WDR7: variants seen among roughly 807,000 people sequenced by gnomAD.
WDR7 encodes the protein WD repeat-containing protein 7.
Under a neutral mutation model 169.4 loss-of-function variants are expected in WDR7, and 46 were observed. That is an observed-to-expected ratio of 0.27 (90% CI 0.21 to 0.35). The LOEUF is 0.35. Ranked by LOEUF, WDR7 falls within the 10% of genes least tolerant of loss-of-function variation. The pLI is 1.00. For missense variants in WDR7, 1,534 were observed against 1,859.3 expected, an observed-to-expected ratio of 0.83 and a Z score of 3.22; for synonymous variants, 612 against 666.8, an observed-to-expected ratio of 0.92 and a Z score of 1.27.
chr18:56,907,856 A>G (rs2046500665), intron 21 of WDR7, among the ~76,000 whole-genome samples: 1 of 152,106 alleles, frequency 6.6e-6, no homozygotes, highest in Non-Finnish European at 1.5e-5. Flanking sequence ...CCCACCTCGT[A>G]ATACCATCAC....
chr18:56,742,463 C>T (rs1415070435), intron 14 of WDR7, among the ~76,000 whole-genome samples: 1 of 152,076 alleles, frequency 6.6e-6, no homozygotes, highest in East Asian at 1.9e-4. Context: ...AAAATCTGCT[C>T]TTTATGAGAT....
In WDR7 at chr18:56,963,825, G is replaced by A. The variant is rs534877594; in HGVS notation, c.4164+1296G>A. On this transcript the variant is annotated intron_variant, in intron 26 of 27. Coordinates refer to ENST00000254442, the MANE Select transcript of WDR7 (RefSeq NM_015285.3). The stretch of plus-strand genomic sequence containing the variant: ...TAAGATCCTTTCATAAGAGAGACAG[G>A]TTCTTCAGATAGCATTTTCAGATTC... Among the ~76,000 whole-genome samples, 60 of 151,744 alleles carry A rather than the reference G, an allele frequency of 4.0e-4. 1 individual carries two copies. The highest frequency in any genetic ancestry group is 2.4e-3 in the Admixed American group (37 of 15,220).
intron 20 of WDR7, among the ~76,000 whole-genome samples, chr18:56,867,431 A>G (rs1388773873): frequency 2.0e-5 from 3 of 152,158 alleles, no homozygotes; most frequent in Non-Finnish European, 4.4e-5. Flanking sequence ...TATATTTTCC[A>G]GGTTTTTACA....
chr18:56,692,304 A>C (rs1167789672), intron 9 of WDR7, among the ~76,000 whole-genome samples: 3 of 152,208 alleles, frequency 2.0e-5, no homozygotes, highest in African/African-American at 7.2e-5. Flanking sequence ...CTATAAAAAT[A>C]AAAGTTTATT....
intron 7 of WDR7, among the ~76,000 whole-genome samples, chr18:56,687,560 A>G (rs1462300701): frequency 6.6e-6 from 1 of 152,250 alleles, no homozygotes; most frequent in Non-Finnish European, 1.5e-5. Context: ...ATTCTGAATA[A>G]CAAATCATTC....
At chr18:56,867,010 C>CTTATTTATTTAT (rs200285872) in intron 20 of WDR7, among the ~76,000 whole-genome samples, 17 of 148,468 alleles carry the variant, frequency 1.1e-4, no homozygotes, top group African/African-American at 4.4e-4. Flanking sequence ...TATTTACTTA[C>CTTATTTATTTAT]TTATTTATTT....
At position 56,827,492 on chromosome 18, in the gene WDR7, C is replaced by G. The variant is rs142758878; in HGVS notation, c.3304+11348C>G. ...GTTCTCATTTATGGGATCTAAAAATCAAAGCAATTGAACTCATGGACCTAT... is the reference window on the plus strand; with the variant it reads ...GTTCTCATTTATGGGATCTAAAAATGAAAGCAATTGAACTCATGGACCTAT... On this transcript the variant is annotated intron_variant, in intron 20 of 27. Coordinates refer to ENST00000254442, the MANE Select transcript of WDR7 (RefSeq NM_015285.3). 8.2e-4 allele frequency among the ~76,000 whole-genome samples: 124 copies of G among 151,698 alleles called. No homozygotes were observed. In the East Asian group the frequency reaches 0.022, roughly 27 times the overall value.
At chr18:56,923,469 A>T (rs73958706) in intron 21 of WDR7, among the ~76,000 whole-genome samples, 6,401 of 152,348 alleles carry the variant, frequency 0.042, 179 homozygotes, top group Middle Eastern at 0.075. Flanking sequence ...CATGTTCTAC[A>T]TTCTCCATCC....
At chr18:56,709,469 A>T (rs2026035840) in intron 12 of WDR7, among the ~76,000 whole-genome samples, 1 of 152,192 alleles carries the variant, frequency 6.6e-6, no homozygotes, top group African/African-American at 2.4e-5. Flanking sequence ...CATCTTTTGT[A>T]TTCATGACAT....
intron 27 of WDR7, among the ~76,000 whole-genome samples, chr18:57,024,900 A>G (rs12964745): frequency 0.093 from 745 of 8,048 alleles, 79 homozygotes; most frequent in Middle Eastern, 0.19. Flanking sequence ...GGATATGTGA[A>G]CTATGATAGT....
chr18:56,799,434 A>G (rs191885412), intron 19 of WDR7, among the ~76,000 whole-genome samples: 3 of 151,408 alleles, frequency 2.0e-5, no homozygotes, highest in Admixed American at 2.0e-4. Flanking sequence ...TTTTTTATTC[A>G]TCAGAACTAT....
intron 21 of WDR7, among the ~76,000 whole-genome samples, chr18:56,891,839 T>C (rs1270595364): frequency 6.6e-6 from 1 of 152,110 alleles, no homozygotes; most frequent in East Asian, 1.9e-4. Flanking sequence ...TGTTTAAATA[T>C]AACACTAAAT....
In WDR7 at chr18:56,696,461, G is replaced by C; in HGVS notation, c.1577G>C (p.Ser526Thr). 6.2e-7 allele frequency: 1 copy of C among 1,607,984 alleles called. No individual in the cohort carries two copies. Among genetic ancestry groups the C allele is most frequent in the Non-Finnish European group, 8.5e-7 (1 of 1,176,918 alleles). Reference sequence around the variant, plus strand: ...CTTCTAGTTCCACCTGAAAACTGTAGTGTAAGTTGATTTATATAAAAGATT... The same window carrying C: ...CTTCTAGTTCCACCTGAAAACTGTACTGTAAGTTGATTTATATAAAAGATT... ...TQLLVPPENC[S>T]ARVQHCICSV... Residue 526 changes from serine (S) to threonine (T), a missense_variant and splice_region_variant, in exon 12 of 28, where the codon AGT (serine) becomes ACT (threonine). Physicochemically the swap from Ser to Thr is moderately conservative, Grantham distance 58. Coordinates refer to ENST00000254442, the MANE Select transcript of WDR7 (RefSeq NM_015285.3).
At chr18:56,758,802 T>G in intron 15 of WDR7, 63 bp from the exon 16 acceptor site, 1 of 1,310,516 alleles carries the variant, frequency 7.6e-7, no homozygotes, top group Non-Finnish European at 1.1e-6. Context: ...TTTTTTATTT[T>G]AAATAGTTCT....
intron 11 of WDR7, among the ~76,000 whole-genome samples, chr18:56,695,488 T>C (rs142342876): frequency 1.8e-3 from 279 of 152,268 alleles, no homozygotes; most frequent in African/African-American, 6.4e-3. Context: ...AATTACTGTA[T>C]TACCAGTAAT....
At chr18:56,816,526 T>C (rs1242371892) in intron 20 of WDR7, among the ~76,000 whole-genome samples, 1 of 152,140 alleles carries the variant, frequency 6.6e-6, no homozygotes. Context: ...TTAATCACAA[T>C]ATATACAATA....
chr18:56,701,231 G>A (rs1272011631), intron 12 of WDR7, among the ~76,000 whole-genome samples: 2 of 152,288 alleles, frequency 1.3e-5, no homozygotes, highest in East Asian at 3.9e-4. Flanking sequence ...GAGAAACAAG[G>A]AGCTTTGGTA....
intron 20 of WDR7, among the ~76,000 whole-genome samples, chr18:56,858,282 C>A (rs952457042): frequency 2.6e-5 from 4 of 152,124 alleles, no homozygotes; most frequent in African/African-American, 9.7e-5. Context: ...TTCACTGCCA[C>A]TACCCTTTTA....
intron 25 of WDR7, among the ~76,000 whole-genome samples, chr18:56,943,438 C>T (rs1279374951): frequency 6.6e-6 from 1 of 151,204 alleles, no homozygotes; most frequent in African/African-American, 2.4e-5. Context: ...TGTCAGCATT[C>T]GGTTGCTGTG....
Sources: allele counts gnomAD v4.1 joint callset (sites outside exome capture counted in the v4.1 genomes callset), GRCh38; gene constraint gnomAD v4.1.1; transcripts MANE v1.5; gene names NCBI Gene and HGNC (gene_info 2026-07-23, HGNC 2026-07-21).